MAPKAP1: variants seen among roughly 807,000 people sequenced by gnomAD.
MAPKAP1 encodes target of rapamycin complex 2 subunit MAPKAP1.
MAPKAP1 carries 20 observed loss-of-function variants against 65.7 expected under a neutral mutation model. The ratio of observed to expected loss-of-function variants is 0.30; its 90% confidence interval spans 0.21 to 0.44. The LOEUF (loss-of-function observed/expected upper bound fraction) is 0.44, where lower values mean the gene tolerates loss of function less well. Ranked by LOEUF, MAPKAP1 falls within the 20% of genes least tolerant of loss-of-function variation. MAPKAP1 has a pLI of 1.00. For missense variants in MAPKAP1, 423 were observed against 648.0 expected, an observed-to-expected ratio of 0.65 and a Z score of 3.77; for synonymous variants, 222 against 244.3, an observed-to-expected ratio of 0.91 and a Z score of 0.85.
In MAPKAP1 at chr9:125,603,081, T is replaced by TC. The variant is rs1215436916; in HGVS notation, c.499-17355_499-17354insG. Among the ~76,000 whole-genome samples the TC allele has an allele frequency of 4.6e-3, 660 of 144,884 alleles. 7 individuals are homozygous for TC. Among genetic ancestry groups the TC allele is most frequent in the African/African-American group, 0.016 (616 of 37,852 alleles). On this transcript the variant is annotated intron_variant, in intron 4 of 11. Transcript: ENST00000265960. ...GTCTTTCTTTCTTTCTTTCTTTCTT[T>TC]TTTTTTTATAGAGACAGAGTCTCAA...
At chr9:125,651,607 A>G (rs1279471701) in intron 4 of MAPKAP1, among the ~76,000 whole-genome samples, 1 of 152,208 alleles carries the variant, frequency 6.6e-6, no homozygotes, top group Non-Finnish European at 1.5e-5. Flanking sequence ...CTCTGTCTCA[A>G]AAAAACAAAA....
chr9:125,549,636 G>C (rs1487683778), intron 6 of MAPKAP1, among the ~76,000 whole-genome samples: 1 of 152,204 alleles, frequency 6.6e-6, no homozygotes, highest in Non-Finnish European at 1.5e-5. Context: ...CTAATGGGCA[G>C]TGAGAAGCCA....
intron 9 of MAPKAP1, among the ~76,000 whole-genome samples, chr9:125,469,904 T>C (rs1201401775): frequency 6.6e-6 from 1 of 152,182 alleles, no homozygotes; most frequent in African/African-American, 2.4e-5. Flanking sequence ...CTGAAAGAAG[T>C]ACTGAAGCCA....
chr9:125,680,431 C>G (rs956538733), intron 1 of MAPKAP1, among the ~76,000 whole-genome samples: 1 of 152,138 alleles, frequency 6.6e-6, no homozygotes, highest in Non-Finnish European at 1.5e-5. Flanking sequence ...TTTTAAATCT[C>G]TTTCTCTAAC....
chr9:125,597,368 G>A (rs747118855), intron 4 of MAPKAP1, among the ~76,000 whole-genome samples: 1 of 151,882 alleles, frequency 6.6e-6, no homozygotes, highest in Non-Finnish European at 1.5e-5. Context: ...GAGCCTGGGA[G>A]GTTGAGGCTG....
At chr9:125,585,456 T>A (rs1831752149) in intron 5 of MAPKAP1, 99 bp downstream of exon 5, 1 of 1,319,696 alleles carries the variant, frequency 7.6e-7, no homozygotes, top group Non-Finnish European at 1.1e-6. Context: ...AGAAGTGTGG[T>A]TCCAGGCCAA....
chr9:125,551,659 T>TC (rs1830588895), intron 6 of MAPKAP1, among the ~76,000 whole-genome samples: 1 of 152,194 alleles, frequency 6.6e-6, no homozygotes, highest in Non-Finnish European at 1.5e-5. Context: ...CTTTTTTTTT[T>TC]TTCCTTTAAT....
intron 6 of MAPKAP1, among the ~76,000 whole-genome samples, chr9:125,548,088 A>C (rs1427325300): frequency 6.6e-6 from 1 of 152,202 alleles, no homozygotes; most frequent in Non-Finnish European, 1.5e-5. Flanking sequence ...GTATTGACTC[A>C]TTCAATCCTA....
At chr9:125,613,809 T>A (rs1458132091) in intron 4 of MAPKAP1, among the ~76,000 whole-genome samples, 1 of 152,046 alleles carries the variant, frequency 6.6e-6, no homozygotes, top group Middle Eastern at 3.2e-3. Context: ...TTCTTTTTTT[T>A]TTTTTTAAGA....
intron 6 of MAPKAP1, among the ~76,000 whole-genome samples, chr9:125,547,709 A>ACCAATTTGGTAAC (rs1160501570): frequency 2.6e-5 from 4 of 152,196 alleles, no homozygotes; most frequent in African/African-American, 9.6e-5. Context: ...CAGGGGCATT[A>ACCAATTTGGTAAC]AAATGTGTGA....
At chr9:125,449,216 G>GT (rs1348725383) in intron 10 of MAPKAP1, among the ~76,000 whole-genome samples, 3 of 152,134 alleles carry the variant, frequency 2.0e-5, no homozygotes, top group Non-Finnish European at 4.4e-5. Context: ...GCTCTGCCAT[G>GT]TTTCAGCTGT....
chr9:125,575,933 A>G (rs1216948778), intron 5 of MAPKAP1, among the ~76,000 whole-genome samples: 2 of 152,280 alleles, frequency 1.3e-5, no homozygotes, highest in Admixed American at 1.3e-4. Context: ...CCCAAAAATT[A>G]GAAGCAACCA....
intron 5 of MAPKAP1, among the ~76,000 whole-genome samples, chr9:125,576,753 G>A (rs1392844000): frequency 1.7e-4 from 26 of 152,322 alleles, no homozygotes; most frequent in African/African-American, 3.8e-4. Context: ...GCTCCTAACC[G>A]CGAGTGATCC....
intron 1 of MAPKAP1, among the ~76,000 whole-genome samples, chr9:125,678,506 T>G (rs1369861360): frequency 6.6e-6 from 1 of 152,220 alleles, no homozygotes; most frequent in Non-Finnish European, 1.5e-5. Context: ...CATTCCAAAG[T>G]GCTGGGATTA....
intron 1 of MAPKAP1, among the ~76,000 whole-genome samples, chr9:125,685,346 C>G (rs1834943628): frequency 6.6e-6 from 1 of 152,166 alleles, no homozygotes; most frequent in African/African-American, 2.4e-5. Flanking sequence ...GGTGAGAGAA[C>G]AAGCCATGTA....
At chr9:125,646,477 T>C (rs1285496425) in intron 4 of MAPKAP1, among the ~76,000 whole-genome samples, 1 of 152,208 alleles carries the variant, frequency 6.6e-6, no homozygotes, top group Non-Finnish European at 1.5e-5. Flanking sequence ...CTGAACAAAT[T>C]GCTACATATC....
intron 7 of MAPKAP1, among the ~76,000 whole-genome samples, chr9:125,537,278 T>C (rs949949832): frequency 6.6e-6 from 1 of 152,208 alleles, no homozygotes; most frequent in Non-Finnish European, 1.5e-5. Flanking sequence ...AATTCTAAGA[T>C]GCACCTCTTT....
chr9:125,685,760 A>G (rs7031367), intron 1 of MAPKAP1, among the ~76,000 whole-genome samples: 6,988 of 152,294 alleles, frequency 0.046, 511 homozygotes, highest in African/African-American at 0.16. Context: ...AGTTTCTAGT[A>G]TATGTGGATG....
chr9:125,538,510 A>G, intron 7 of MAPKAP1, among the ~76,000 whole-genome samples: 1 of 151,390 alleles, frequency 6.6e-6, no homozygotes, highest in Non-Finnish European at 1.5e-5. Context: ...ATCTCCCTTA[A>G]AGGGTCAATT....
Sources: gnomAD v4.1 joint callset for allele counts (sites outside exome capture counted in the v4.1 genomes callset) on GRCh38, gnomAD v4.1.1 for gene constraint, MANE v1.5 for transcripts, NCBI Gene and HGNC (gene_info 2026-07-23, HGNC 2026-07-21) for gene names.